Variants in SLC23A2 observed in about 807,000 individuals in gnomAD.
The protein encoded by SLC23A2 is solute carrier family 23 member 2.
In SLC23A2, 36 loss-of-function variants were observed where a neutral mutation model predicts 73.3. The observed-to-expected ratio is 0.49, with a 90% CI of 0.38 to 0.65. SLC23A2 has a LOEUF of 0.65. Ranked by LOEUF, SLC23A2 falls within the 30% of genes least tolerant of loss-of-function variation. The pLI is 0.00. For missense variants in SLC23A2, 507 were observed against 841.6 expected, an observed-to-expected ratio of 0.60 and a Z score of 4.92; for synonymous variants, 343 against 327.3, an observed-to-expected ratio of 1.05 and a Z score of -0.52.
At position 4,908,291 on chromosome 20, in the gene SLC23A2, A is replaced by G. The variant is rs1000687361; in HGVS notation, c.207+4589T>C. 2.7e-4 allele frequency among the ~76,000 whole-genome samples: 41 copies of G among 152,214 alleles called. 2 individuals carry two copies. The highest frequency in any genetic ancestry group is 4.4e-5 in the Non-Finnish European group (3 of 68,036). ...GTAAAGAGATGCAGCCTCACTAATG[A>G]AAAATCAGGATAAAACTACAGTGAC... On this transcript the variant is annotated intron_variant, in intron 4 of 16. Coordinates refer to ENST00000338244, the MANE Select transcript of SLC23A2 (RefSeq NM_005116.6).
rs781634237 is a variant in SLC23A2 at position 4,919,981 on chromosome 20, C to A, written c.109-7003G>T. The stretch of plus-strand genomic sequence containing the variant: ...TATACATTAAAACTATGATGAGAGG[C>A]CGGGTGCGGTGGCTCACGCCTGTAA... On this transcript the variant is annotated intron_variant, in intron 3 of 16. Coordinates refer to ENST00000338244, the MANE Select transcript of SLC23A2 (RefSeq NM_005116.6). Among the ~76,000 whole-genome samples, 50 of 152,226 alleles carry A rather than the reference C, an allele frequency of 3.3e-4. 1 individual carries two copies. Among genetic ancestry groups the A allele is most frequent in the Non-Finnish European group, 6.3e-4 (43 of 68,046 alleles).
chr20:4,871,113 G>A (rs1239409532), intron 11 of SLC23A2, among the ~76,000 whole-genome samples: 1 of 152,210 alleles, frequency 6.6e-6, no homozygotes, highest in Non-Finnish European at 1.5e-5. Flanking sequence ...TGATAAAGGA[G>A]TAGCCCTTCT....
chr20:4,919,062 CCTA>C (rs1459281639), intron 3 of SLC23A2, among the ~76,000 whole-genome samples: 1 of 152,166 alleles, frequency 6.6e-6, no homozygotes, highest in Non-Finnish European at 1.5e-5. Flanking sequence ...AAACTTTCCA[CCTA>C]CTTTCAATAT....
chr20:4,879,438 C>T (rs1206037040), intron 9 of SLC23A2, among the ~76,000 whole-genome samples: 1 of 121,068 alleles, frequency 8.3e-6, no homozygotes, highest in East Asian at 2.2e-4. Context: ...AAAAAATCCT[C>T]CTATTCTCAC....
At chr20:4,880,998 G>T (rs1930861364) in intron 9 of SLC23A2, among the ~76,000 whole-genome samples, 1 of 152,228 alleles carries the variant, frequency 6.6e-6, no homozygotes, top group Non-Finnish European at 1.5e-5. Flanking sequence ...GGCAGTGAAG[G>T]CCTGCAAAAG....
chr20:4,864,004 C>T (rs938246509), intron 13 of SLC23A2, among the ~76,000 whole-genome samples: 1 of 152,172 alleles, frequency 6.6e-6, no homozygotes, highest in African/African-American at 2.4e-5. Context: ...CACTTTGCCC[C>T]TGCCTATCCC....
upstream of SLC23A2, among the ~76,000 whole-genome samples, chr20:5,003,645 A>G (rs1028810124): frequency 1.3e-5 from 2 of 151,704 alleles, no homozygotes; most frequent in Non-Finnish European, 2.9e-5. Flanking sequence ...TCGTTATTCC[A>G]TGAACTGTGG....
At position 4,906,724 on chromosome 20, in the gene SLC23A2, G is replaced by A. The variant is rs559327713; in HGVS notation, c.208-4166C>T. 4.6e-5 allele frequency among the ~76,000 whole-genome samples: 7 copies of A among 152,300 alleles called. No individual in the cohort carries two copies. The South Asian group carries it at 1.2e-3, about 27-fold the overall frequency. ...CAGCTTTTGAGTTCTAGTTAAGCATGGTAGATTGACCACATGTGTCTTTTC... is the reference window on the plus strand; with the variant it reads ...CAGCTTTTGAGTTCTAGTTAAGCATAGTAGATTGACCACATGTGTCTTTTC... On this transcript the variant is annotated intron_variant, in intron 4 of 16. Coordinates refer to ENST00000338244, the MANE Select transcript of SLC23A2 (RefSeq NM_005116.6).
rs1040802346 is a variant in SLC23A2 at position 4,947,827 on chromosome 20, T to C, written c.-154-15111A>G. 1.1e-4 allele frequency among the ~76,000 whole-genome samples: 16 copies of C among 152,232 alleles called. No individual in the cohort carries two copies. The highest frequency in any genetic ancestry group is 3.9e-4 in the African/African-American group (16 of 41,458). ...AGAAGGTCATATCTAAAAGTCATTC[T>C]GAAGGAAGCTGAGGAAAATTTGTGA... is the stretch of plus-strand genomic sequence containing the variant. On this transcript the variant is annotated intron_variant, in intron 2 of 16. Transcript: ENST00000338244. This position sits in a 1 kb window ranked among gnomAD's most constrained non-coding sequence, Gnocchi z 4.4.
At chr20:4,911,881 T>C (rs982403862) in intron 4 of SLC23A2, among the ~76,000 whole-genome samples, 2 of 152,138 alleles carry the variant, frequency 1.3e-5, no homozygotes, top group African/African-American at 4.8e-5. Context: ...TCTTACTCTG[T>C]CTTCCCAGTT....
intron 3 of SLC23A2, among the ~76,000 whole-genome samples, chr20:4,925,328 T>C (rs1035923951): frequency 6.6e-6 from 1 of 152,188 alleles, no homozygotes; most frequent in Non-Finnish European, 1.5e-5. Context: ...GTATGATCAC[T>C]GTCTGACCTC....
At chr20:4,895,086 G>T (rs1023274861) in intron 6 of SLC23A2, among the ~76,000 whole-genome samples, 3 of 152,356 alleles carry the variant, frequency 2.0e-5, no homozygotes, top group African/African-American at 7.2e-5. Flanking sequence ...CACAATGCAG[G>T]ATACAGAACC....
At chr20:4,887,856 G>A (rs754062273) in intron 6 of SLC23A2, among the ~76,000 whole-genome samples, 3 of 152,194 alleles carry the variant, frequency 2.0e-5, no homozygotes, top group African/African-American at 2.4e-5. Flanking sequence ...TGACTGAAAC[G>A]TTCTTAGGGA....
chr20:4,884,093 A>G (rs1035502761), intron 8 of SLC23A2, among the ~76,000 whole-genome samples: 7 of 152,202 alleles, frequency 4.6e-5, no homozygotes, highest in African/African-American at 7.2e-5. Flanking sequence ...GATGCAGGCA[A>G]AAATTTATAA....
intron 3 of SLC23A2, among the ~76,000 whole-genome samples, chr20:4,922,830 TAA>T (rs879928439): frequency 7.5e-6 from 1 of 133,208 alleles, no homozygotes; most frequent in Non-Finnish European, 1.6e-5. Flanking sequence ...ACCGTGTCTT[TAA>T]AAAAAAAAAA....
intron 1 of SLC23A2, among the ~76,000 whole-genome samples, chr20:5,006,973 G>C (rs1193022320): frequency 2.0e-5 from 3 of 151,620 alleles, no homozygotes; most frequent in Non-Finnish European, 4.4e-5. Flanking sequence ...GTGTGTGTGT[G>C]TGTGCGTGCG....
chr20:4,889,265 G>A (rs967804249), intron 6 of SLC23A2, among the ~76,000 whole-genome samples: 1 of 152,134 alleles, frequency 6.6e-6, no homozygotes, highest in Admixed American at 6.6e-5. Context: ...CGGGCAGAGA[G>A]AGGGGAGGTG....
At chr20:4,948,626 G>A (rs1010144518) in intron 2 of SLC23A2, among the ~76,000 whole-genome samples, 4 of 152,316 alleles carry the variant, frequency 2.6e-5, no homozygotes, top group East Asian at 1.9e-4. Context: ...CACCACATAC[G>A]TGGTGATCAA....
At chr20:4,989,779 T>C (rs578198805) in intron 1 of SLC23A2, among the ~76,000 whole-genome samples, 1 of 152,236 alleles carries the variant, frequency 6.6e-6, no homozygotes, top group Non-Finnish European at 1.5e-5. Flanking sequence ...CTCAAAAGTT[T>C]CCCATTTTAG....
Sources: allele counts gnomAD v4.1 joint callset (sites outside exome capture counted in the v4.1 genomes callset), GRCh38; gene constraint gnomAD v4.1.1; non-coding constraint Gnocchi (gnomAD v3.1); transcripts MANE v1.5; gene names NCBI Gene and HGNC (gene_info 2026-07-23, HGNC 2026-07-21).